Variants in VGLL4 observed in about 807,000 individuals in gnomAD.
VGLL4 encodes vestigial like family member 4.
In VGLL4, 7 loss-of-function variants were observed where a neutral mutation model predicts 21.0. That is an observed-to-expected ratio of 0.33 (90% CI 0.19 to 0.63). The LOEUF (loss-of-function observed/expected upper bound fraction) is 0.63. VGLL4 is among the 20% of genes least tolerant of loss of function. The pLI, the probability that VGLL4 is intolerant of heterozygous loss-of-function variation, is 0.78. For synonymous variants in VGLL4, 222 were observed against 173.2 expected, an observed-to-expected ratio of 1.28 and a Z score of -2.21; for missense variants, 394 against 425.7, an observed-to-expected ratio of 0.93 and a Z score of 0.66.
intron 1 of VGLL4, among the ~76,000 whole-genome samples, chr3:11,632,398 T>C (rs1030596119): frequency 2.0e-5 from 3 of 152,152 alleles, no homozygotes; most frequent in Non-Finnish European, 4.4e-5. Flanking sequence ...AGACGAACCA[T>C]TTCATCTTTC....
chr3:11,621,122 A>G (rs922192132), intron 1 of VGLL4, among the ~76,000 whole-genome samples: 2 of 152,268 alleles, frequency 1.3e-5, no homozygotes, highest in Non-Finnish European at 2.9e-5. Flanking sequence ...AATGGAATGA[A>G]TGGAGCAACA....
At chr3:11,683,908 A>AGT (rs1457928998) in intron 2 of VGLL4, among the ~76,000 whole-genome samples, 1 of 152,182 alleles carries the variant, frequency 6.6e-6, no homozygotes, top group African/African-American at 2.4e-5. Context: ...TCTGGATATT[A>AGT]GTCTTACTTA....
At position 11,606,520 on chromosome 3, in the gene VGLL4, T is replaced by C. The variant is rs540648807; in HGVS notation, c.83-4498A>G. On this transcript the variant is annotated intron_variant, in intron 1 of 4. Coordinates refer to ENST00000430365, the MANE Select transcript of VGLL4 (RefSeq NM_001128219.3). ...TGAGAGGTGAGGCCAGCTGGACTTG[T>C]AGGTTGGGTGAGGACTTAGAGAACT... Among the ~76,000 whole-genome samples, 6 of 152,248 alleles carry C rather than the reference T, an allele frequency of 3.9e-5. No individual in the cohort carries two copies. The South Asian group carries it at 1.0e-3, about 26-fold the overall frequency.
chr3:11,683,668 C>A (rs1249590730), intron 2 of VGLL4, among the ~76,000 whole-genome samples: 1 of 151,976 alleles, frequency 6.6e-6, no homozygotes, highest in African/African-American at 2.4e-5. Context: ...GTAGTGCATG[C>A]CTGTAATCCC....
chr3:11,578,168 A>T (rs879704692), intron 2 of VGLL4, among the ~76,000 whole-genome samples: 8 of 152,232 alleles, frequency 5.3e-5, no homozygotes, highest in Non-Finnish European at 1.2e-4. Context: ...TCCTTTCATC[A>T]AAACAACCCA....
At position 11,651,840 on chromosome 3, in the gene VGLL4, A is replaced by T. The variant is rs139646959; in HGVS notation, c.65-49818T>A. 3.3e-5 allele frequency among the ~76,000 whole-genome samples: 5 copies of T among 152,224 alleles called. No homozygotes were observed. In the East Asian group the frequency reaches 9.6e-4, roughly 29 times the overall value. ...TCTTTTAAGAATTCCTAAATATATCATAAAATAGTGATTATTTATACAACT... is the reference window on the plus strand; with the variant it reads ...TCTTTTAAGAATTCCTAAATATATCTTAAAATAGTGATTATTTATACAACT... On this transcript the variant is annotated intron_variant, in intron 2 of 5. Transcript: ENST00000273038.
chr3:11,639,155 C>T (rs2075641266), intron 1 of VGLL4, among the ~76,000 whole-genome samples: 1 of 152,202 alleles, frequency 6.6e-6, no homozygotes, highest in South Asian at 2.1e-4. Flanking sequence ...CAGTGTAAAG[C>T]CCCAGCCAGC....
At chr3:11,617,834 A>G (rs902661719) in intron 1 of VGLL4, among the ~76,000 whole-genome samples, 3 of 152,378 alleles carry the variant, frequency 2.0e-5, no homozygotes, top group Middle Eastern at 3.4e-3. Context: ...TTGATCTAAC[A>G]AAGTCTAATT....
At chr3:11,714,456 C>T (rs1012476678) in intron 1 of VGLL4, among the ~76,000 whole-genome samples, 12 of 151,174 alleles carry the variant, frequency 7.9e-5, no homozygotes, top group South Asian at 4.2e-4. Flanking sequence ...TTTGGGAGGC[C>T]AAGGCAGGTG....
intron 2 of VGLL4, among the ~76,000 whole-genome samples, chr3:11,687,820 C>T (rs188493365): frequency 6.4e-4 from 97 of 152,222 alleles, no homozygotes; most frequent in Non-Finnish European, 1.0e-3. Flanking sequence ...TTTTATATAT[C>T]CCTTTTTTAA....
intron 2 of VGLL4, among the ~76,000 whole-genome samples, chr3:11,664,927 T>G (rs959746884): frequency 2.0e-5 from 3 of 151,628 alleles, no homozygotes; most frequent in Non-Finnish European, 4.4e-5. Flanking sequence ...CAATTTTCTT[T>G]TCTCTATTTT....
At chr3:11,563,766 T>G (rs1349018028) in intron 3 of VGLL4, among the ~76,000 whole-genome samples, 1 of 152,226 alleles carries the variant, frequency 6.6e-6, no homozygotes, top group Non-Finnish European at 1.5e-5. Context: ...TGTGCCATTT[T>G]GTTAAATGGA....
At chr3:11,594,758 A>G (rs2074590679) in intron 2 of VGLL4, among the ~76,000 whole-genome samples, 1 of 152,242 alleles carries the variant, frequency 6.6e-6, no homozygotes, top group East Asian at 1.9e-4. Context: ...ATGTCCAAAC[A>G]CAGGGGACTG....
intron 2 of VGLL4, among the ~76,000 whole-genome samples, chr3:11,590,672 G>GTGTGTGTC (rs1387135794): frequency 1.4e-5 from 2 of 144,950 alleles, no homozygotes; most frequent in South Asian, 4.8e-4. Context: ...GAGTGTGTGT[G>GTGTGTGTC]TGTGTGTGTG....
chr3:11,694,163 C>G (rs1221006600), intron 2 of VGLL4, among the ~76,000 whole-genome samples: 2 of 152,156 alleles, frequency 1.3e-5, no homozygotes, highest in African/African-American at 4.8e-5. Flanking sequence ...ACTGAGGTCC[C>G]CAGACAAATG....
rs1575331346 is a variant in VGLL4 at position 11,557,177 on chromosome 3, C to T, written c.*1379G>A. On this transcript the variant is annotated 3_prime_UTR_variant, in exon 5 of 5. Coordinates refer to ENST00000430365, the MANE Select transcript of VGLL4 (RefSeq NM_001128219.3). ...GACCAAAAAGGAGCAGCTGTGACCT[C>T]CACAGCTGTGTCTGTCATGCTTGCT... The T allele has an allele frequency of 6.5e-6, 1 of 152,734 alleles. No homozygotes were observed. The highest frequency in any genetic ancestry group is 1.5e-5 in the Non-Finnish European group (1 of 68,038). The allele number at this position is 152,734 out of a possible 1,614,324, so 9.5% of individuals were successfully genotyped here. A position where few individuals can be genotyped will look rare whatever the true frequency, so the allele number is the denominator to read the frequency against.
intron 3 of VGLL4, among the ~76,000 whole-genome samples, chr3:11,560,371 G>A (rs1352610247): frequency 6.6e-6 from 1 of 152,212 alleles, no homozygotes; most frequent in Non-Finnish European, 1.5e-5. Flanking sequence ...CAAGGTGGTG[G>A]AGTATGTGGG....
intron 2 of VGLL4, among the ~76,000 whole-genome samples, chr3:11,655,365 AGTT>A: frequency 6.6e-6 from 1 of 152,242 alleles, no homozygotes; most frequent in Non-Finnish European, 1.5e-5. Context: ...CATCCCAATG[AGTT>A]AGTTGCTCGT....
chr3:11,575,491 G>A (rs1447115239), intron 2 of VGLL4, among the ~76,000 whole-genome samples: 4 of 152,180 alleles, frequency 2.6e-5, no homozygotes, highest in Admixed American at 1.3e-4. Context: ...GGAGCTCCGA[G>A]GGCAAAGTGG....
Sources: gnomAD v4.1 joint callset for allele counts (sites outside exome capture counted in the v4.1 genomes callset) on GRCh38, gnomAD v4.1.1 for gene constraint, MANE v1.5 for transcripts, NCBI Gene and HGNC (gene_info 2026-07-23, HGNC 2026-07-21) for gene names.